EP300: variants seen among roughly 807,000 people sequenced by gnomAD.
EP300 encodes the protein EP300 lysine acetyltransferase.
In EP300, 31 loss-of-function variants were observed where a neutral mutation model predicts 264.0. The ratio of observed to expected loss-of-function variants is 0.12; its 90% CI spans 0.09 to 0.16. The LOEUF (loss-of-function observed/expected upper bound fraction) is 0.16. EP300 is among the 10% of genes least tolerant of loss of function. EP300 has a pLI of 1.00. For missense variants in EP300, 2,766 were observed against 3,052.9 expected (o/e 0.91, Z 2.21); for synonymous variants, 1,340 against 1,045.4 (o/e 1.28, Z -5.44).
rs1187590603 is a variant in EP300, at chr22:41,177,024, C to T, written c.5313C>T (p.Cys1771=). 1 of 1,614,168 alleles carries T rather than the reference C, an allele frequency of 6.2e-7. No individual in the cohort carries two copies. The highest frequency in any genetic ancestry group is 1.7e-5 in the Admixed American group (1 of 60,028). Residue 1771 remains cysteine (C), a synonymous_variant, in exon 31 of 31, where the codon TGC becomes TGT. Transcript: ENST00000263253. ...MKRVVQHTKG[C]KRKTNGGCPI... is the part of the protein sequence containing the mutation. ...GGGTTGTGCAGCATACCAAGGGTTGCAAACGGAAAACCAATGGCGGGTGCC... is the reference window on the plus strand; with the variant it reads ...GGGTTGTGCAGCATACCAAGGGTTGTAAACGGAAAACCAATGGCGGGTGCC...
At chr22:41,123,301 G>T (rs573774850) in intron 2 of EP300, among the ~76,000 whole-genome samples, 1 of 151,982 alleles carries the variant, frequency 6.6e-6, no homozygotes, top group Non-Finnish European at 1.5e-5. Flanking sequence ...TGAGGCAAAT[G>T]CTGGAGGCTC....
intron 19 of EP300, chr22:41,160,312 G>A: frequency 2.8e-6 from 1 of 353,628 alleles, no homozygotes; most frequent in Non-Finnish European, 5.4e-6. Context: ...GTGTTGTTCT[G>A]TCTTGCTTTT....
chr22:41,121,658 T>C (rs2058852721), intron 2 of EP300, among the ~76,000 whole-genome samples: 1 of 152,166 alleles, frequency 6.6e-6, no homozygotes, highest in Admixed American at 6.5e-5. Context: ...ACAAGCAGTG[T>C]CAGGAATTGG....
intron 16 of EP300, among the ~76,000 whole-genome samples, chr22:41,153,844 C>T (rs2059061016): frequency 6.6e-6 from 1 of 152,112 alleles, no homozygotes; most frequent in South Asian, 2.1e-4. Flanking sequence ...CAAGCATCTT[C>T]GTAGTCTGGT....
In EP300 at chr22:41,179,187, C is replaced by G; in HGVS notation, c.*231C>G. The G allele has an allele frequency of 1.7e-6, 1 of 573,644 alleles. No homozygotes were observed. The highest frequency in any genetic ancestry group is 1.9e-5 in the African/African-American group (1 of 53,664). The allele number at this position is 573,644 out of a possible 1,614,324, so 35.5% of individuals were successfully genotyped here. A position where few individuals can be genotyped will look rare whatever the true frequency, so the allele number is the denominator to read the frequency against. On this transcript the variant is annotated 3_prime_UTR_variant, in exon 31 of 31. Transcript: ENST00000263253. ...TTATGGCTGGTTACCACCAGCCTTT[C>G]TTCCCCTTTGTGTGTGTGGTTCAAG...
chr22:41,166,501 ATACT>A, intron 22 of EP300, 94 bp from the exon 23 acceptor site: 1 of 930,938 alleles, frequency 1.1e-6, no homozygotes, highest in South Asian at 1.5e-5. Context: ...AAATTTAGAA[ATACT>A]TCTGCTAGAT....
At chr22:41,120,409 G>A (rs1164606853) in intron 2 of EP300, among the ~76,000 whole-genome samples, 2 of 152,088 alleles carry the variant, frequency 1.3e-5, no homozygotes, top group Non-Finnish European at 1.5e-5. Context: ...CTTGTAGAGC[G>A]AATTATACTC....
intron 22 of EP300, among the ~76,000 whole-genome samples, chr22:41,165,363 C>T (rs1361289723): frequency 6.6e-6 from 1 of 152,236 alleles, no homozygotes; most frequent in African/African-American, 2.4e-5. Flanking sequence ...CAGCTTCTCT[C>T]TTCCCACCCA....
In EP300 at chr22:41,162,724, A is replaced by G; in HGVS notation, c.3673A>G (p.Thr1225Ala). ...ATTGTGTCCCTTTTCTCTCCTTAGT[A>G]CAATAAATAAAGAACAATTTTCCAA... ...LGDDPSQPQT[T>A]INKEQFSKRK... The change falls in exon 21 of 31, where the codon ACA (threonine) becomes GCA (alanine). Residue 1225 changes from threonine to alanine, a missense_variant and splice_region_variant. Transcript: ENST00000263253. 6.2e-7 allele frequency: 1 copy of G among 1,610,502 alleles called. No individual in the cohort carries two copies. Among genetic ancestry groups the G allele is most frequent in the Non-Finnish European group, 8.5e-7 (1 of 1,176,782 alleles).
chr22:41,099,279 C>T (rs2058718550), intron 1 of EP300, among the ~76,000 whole-genome samples: 1 of 151,910 alleles, frequency 6.6e-6, no homozygotes, highest in Non-Finnish European at 1.5e-5. Flanking sequence ...GTGATCCACC[C>T]ACCTCGGCCT....
At chr22:41,101,188 C>T (rs1240637238) in intron 1 of EP300, among the ~76,000 whole-genome samples, 6 of 152,044 alleles carry the variant, frequency 3.9e-5, no homozygotes, top group Non-Finnish European at 8.8e-5. Flanking sequence ...TATTCTCCTG[C>T]CTCAACCTCC....
rs777146113 is a variant in EP300 at position 41,157,402 on chromosome 22, C to T, written c.3495C>T (p.Gly1165=). ...PVMQSLGYCC[G]RKLEFSPQTL... Reference sequence around the variant, plus strand: ...TGCAAAGCCTTGGATACTGTTGTGGCAGAAAGGTAAGAAATGTGTTTCAGA... The same window carrying T: ...TGCAAAGCCTTGGATACTGTTGTGGTAGAAAGGTAAGAAATGTGTTTCAGA... Residue 1165 remains glycine, a synonymous_variant, in exon 18 of 31, where the codon GGC becomes GGT. Coordinates refer to ENST00000263253, the MANE Select transcript of EP300 (RefSeq NM_001429.4). The T allele has an allele frequency of 1.2e-6, 2 of 1,613,156 alleles. No homozygotes were observed. Among genetic ancestry groups the T allele is most frequent in the South Asian group, 1.1e-5 (1 of 91,064 alleles).
chr22:41,129,199 G>A (rs1160553157), intron 4 of EP300, among the ~76,000 whole-genome samples: 1 of 151,732 alleles, frequency 6.6e-6, no homozygotes, highest in African/African-American at 2.4e-5. Context: ...TTTTGGTAGA[G>A]ACGGGGTTTC....
rs1397675543 is a variant in EP300 at position 41,177,806 on chromosome 22, G to A, written c.6095G>A (p.Gly2032Glu). The change falls in exon 31 of 31, where the codon GGA (glycine) becomes GAA (glutamate). Residue 2032 changes from glycine to glutamate, a missense_variant. Transcript: ENST00000263253. ...GQPLNMAPQP[G>E]LGQVGISPLK... Reference sequence around the variant, plus strand: ...CCTTTGAACATGGCTCCACAACCAGGATTGGGCCAGGTAGGTATCAGCCCA... The same window carrying A: ...CCTTTGAACATGGCTCCACAACCAGAATTGGGCCAGGTAGGTATCAGCCCA... 2 of 1,614,028 alleles carry A rather than the reference G, an allele frequency of 1.2e-6. No individual in the cohort carries two copies. The highest frequency in any genetic ancestry group is 1.7e-6 in the Non-Finnish European group (2 of 1,180,030).
chr22:41,107,067 CG>C (rs2145683572), intron 1 of EP300, among the ~76,000 whole-genome samples: 1 of 152,066 alleles, frequency 6.6e-6, no homozygotes, highest in African/African-American at 2.4e-5. Flanking sequence ...CCATCACCCC[CG>C]GCTCATTTTT....
At chr22:41,174,686 C>A (rs1165598055) in intron 29 of EP300, 1 of 151,796 alleles carries the variant, frequency 6.6e-6, no homozygotes, top group African/African-American at 2.4e-5. Context: ...CTCGATTGTT[C>A]AGTCAGACTC....
intron 10 of EP300, chr22:41,146,511 C>A: frequency 1.8e-6 from 1 of 547,308 alleles, no homozygotes; most frequent in South Asian, 2.0e-5. Flanking sequence ...ATTGAAAGCA[C>A]CCGGGCTCAT....
At chr22:41,108,451 A>G (rs996312122) in intron 1 of EP300, among the ~76,000 whole-genome samples, 3 of 151,924 alleles carry the variant, frequency 2.0e-5, no homozygotes, top group Non-Finnish European at 2.9e-5. Context: ...GTGTCCTTCT[A>G]CATTCCAGGC....
chr22:41,162,907 A>C, intron 21 of EP300, 128 bp downstream of exon 21: 1 of 770,232 alleles, frequency 1.3e-6, no homozygotes, highest in Non-Finnish European at 2.3e-6. Flanking sequence ...CATACATCTA[A>C]TGGATAGTAA....
Sources: allele counts gnomAD v4.1 joint callset (sites outside exome capture counted in the v4.1 genomes callset), GRCh38; gene constraint gnomAD v4.1.1; transcripts MANE v1.5; gene names NCBI Gene and HGNC (gene_info 2026-07-23, HGNC 2026-07-21).